Variants in SMC6 observed in about 807,000 individuals in gnomAD.
SMC6 encodes structural maintenance of chromosomes protein 6.
A neutral mutation model predicts 142.2 loss-of-function variants in SMC6; 79 were observed. The ratio of observed to expected loss-of-function variants is 0.56; its 90% CI spans 0.46 to 0.67. The LOEUF (loss-of-function observed/expected upper bound fraction) is 0.67. Among genes scored for constraint, SMC6 ranks in the 30% least tolerant of loss-of-function variants. The probability of loss-of-function intolerance (pLI) is 0.00; values close to 1 mark genes in which losing one functional copy is unlikely to be tolerated. For missense variants in SMC6, 1,072 were observed against 1,284.0 expected (o/e 0.83, Z 2.52); for synonymous variants, 411 against 412.4 (o/e 1.00, Z 0.04).
At chr2:17,728,123 T>A (rs904782745) in intron 7 of SMC6, among the ~76,000 whole-genome samples, 101 of 152,334 alleles carry the variant, frequency 6.6e-4, no homozygotes, top group Middle Eastern at 3.4e-3. Flanking sequence ...TCCTACTTGT[T>A]ATACTCCTCT....
intron 23 of SMC6, among the ~76,000 whole-genome samples, chr2:17,689,420 A>G (rs1667601469): frequency 6.6e-6 from 1 of 152,168 alleles, no homozygotes; most frequent in Non-Finnish European, 1.5e-5. Flanking sequence ...GTACTTTATA[A>G]CAGTATTGTG....
chr2:17,691,213 T>C (rs576866426), intron 23 of SMC6, among the ~76,000 whole-genome samples: 13 of 121,154 alleles, frequency 1.1e-4, no homozygotes, highest in African/African-American at 3.9e-4. Context: ...CATTAATGAA[T>C]GAAGAGAGAA....
At chr2:17,727,872 T>C (rs1330319634) in intron 7 of SMC6, among the ~76,000 whole-genome samples, 1 of 152,208 alleles carries the variant, frequency 6.6e-6, no homozygotes, top group Admixed American at 6.5e-5. Flanking sequence ...AACATTTATG[T>C]AGTTATAAAC....
intron 16 of SMC6, among the ~76,000 whole-genome samples, chr2:17,712,950 C>CT (rs1668901304): frequency 2.0e-5 from 3 of 152,230 alleles, no homozygotes; most frequent in African/African-American, 7.2e-5. Context: ...AAAACATGGA[C>CT]TTTGTCATCC....
chr2:17,703,443 T>C, intron 18 of SMC6, 151 bp from the exon 19 acceptor site: 1 of 617,648 alleles, frequency 1.6e-6, no homozygotes. Context: ...ACCAAGCTAT[T>C]AATCATGAAA....
intron 18 of SMC6, among the ~76,000 whole-genome samples, chr2:17,705,839 T>A (rs955188882): frequency 6.6e-6 from 1 of 152,182 alleles, no homozygotes; most frequent in African/African-American, 2.4e-5. Context: ...TGTTACCTAA[T>A]GAAAAATATA....
intron 8 of SMC6, among the ~76,000 whole-genome samples, chr2:17,726,063 G>A (rs1246235764): frequency 8.4e-6 from 1 of 118,686 alleles, no homozygotes; most frequent in Admixed American, 1.0e-4. Context: ...ACTCTATCCT[G>A]GAAGACAGAG....
At position 17,718,345 on chromosome 2, in the gene SMC6, AAACAT is replaced by A. The variant is rs200260662; in HGVS notation, c.946-127_946-123del. On this transcript the variant is annotated intron_variant, in intron 11 of 27. Transcript: ENST00000448223. ...ACTTCACTCAAGACATCAGGCAAATAAACATAACATAACATTATATAAAATACTAT... is the reference window on the plus strand; with the variant it reads ...ACTTCACTCAAGACATCAGGCAAATAAACATAACATTATATAAAATACTAT... The A allele has an allele frequency of 1.4e-3, 818 of 565,266 alleles. 8 individuals carry two copies. Among genetic ancestry groups the A allele is most frequent in the African/African-American group, 0.014 (733 of 51,814 alleles). The allele number at this position is 565,266 out of a possible 1,614,324, so 35.0% of individuals were successfully genotyped here. A position where few individuals can be genotyped will look rare whatever the true frequency, so the allele number is the denominator to read the frequency against.
In SMC6 at chr2:17,745,226, A is replaced by T. The variant is rs372632913; in HGVS notation, c.120+601T>A. Among the ~76,000 whole-genome samples the T allele has an allele frequency of 8.9e-4, 136 of 152,278 alleles. 2 individuals are homozygous for T. In the South Asian group the frequency reaches 0.028, roughly 31 times the overall value. On this transcript the variant is annotated intron_variant, in intron 3 of 27. Transcript: ENST00000448223. ...GTTTTGGCATCAAGATAATACATTG[A>T]AAAGTGTTCTCTTATGATTTTTGGA...
rs1184330034 is a variant in SMC6, at chr2:17,712,862, TC to T, written c.1730+1998del. On this transcript the variant is annotated intron_variant, in intron 16 of 27. Coordinates refer to ENST00000448223, the MANE Select transcript of SMC6 (RefSeq NM_001142286.2). Reference sequence around the variant, plus strand: ...ACTCAAGACTCTTGTCAATATCCTGTCAACACCCAAAAGGATTAGAATCTAG... The same window carrying T: ...ACTCAAGACTCTTGTCAATATCCTGTAACACCCAAAAGGATTAGAATCTAG... 3.3e-5 allele frequency among the ~76,000 whole-genome samples: 5 copies of T among 152,370 alleles called. 1 individual carries two copies. The highest frequency in any genetic ancestry group is 3.3e-4 in the Admixed American group (5 of 15,304).
rs1668123538 is a variant in SMC6 at position 17,698,620 on chromosome 2, GA to G, written c.2394+1587del. 5.3e-5 allele frequency among the ~76,000 whole-genome samples: 8 copies of G among 152,104 alleles called. No individual in the cohort carries two copies. In the South Asian group the frequency reaches 1.7e-3, roughly 32 times the overall value. On this transcript the variant is annotated intron_variant, in intron 21 of 27. Coordinates refer to ENST00000448223, the MANE Select transcript of SMC6 (RefSeq NM_001142286.2). ...TCAACCTGCCTATATGGCTGTATTT[GA>G]AGTGAGCTATTTATAGAGAGCATAT...
chr2:17,736,286 AAAAAT>A (rs1374690864), intron 5 of SMC6, among the ~76,000 whole-genome samples: 1 of 152,202 alleles, frequency 6.6e-6, no homozygotes, highest in Non-Finnish European at 1.5e-5. Flanking sequence ...CTGGAAAAGA[AAAAAT>A]AAAATATAAC....
chr2:17,691,452 C>A (rs984958586), intron 23 of SMC6, among the ~76,000 whole-genome samples: 2 of 105,290 alleles, frequency 1.9e-5, no homozygotes, highest in African/African-American at 5.5e-5. Flanking sequence ...CCGTTTTGAA[C>A]CAACGACAAA....
intron 9 of SMC6, among the ~76,000 whole-genome samples, chr2:17,723,730 T>G (rs1410091493): frequency 1.3e-5 from 2 of 152,222 alleles, no homozygotes; most frequent in Non-Finnish European, 2.9e-5. Flanking sequence ...TAATTAGGTC[T>G]ATGATCCCAA....
intron 23 of SMC6, among the ~76,000 whole-genome samples, chr2:17,689,276 C>T (rs1236242739): frequency 6.6e-6 from 1 of 151,962 alleles, no homozygotes; most frequent in Non-Finnish European, 1.5e-5. Flanking sequence ...CGTATAAAAT[C>T]AAAACAAAGA....
intron 24 of SMC6, 79 bp from the exon 25 acceptor site, chr2:17,679,043 T>A: frequency 1.1e-6 from 1 of 921,360 alleles, no homozygotes; most frequent in Non-Finnish European, 1.7e-6. Flanking sequence ...TCTAAGCATG[T>A]GAGAAAACCA....
At chr2:17,732,594 G>A (rs774047922) in intron 5 of SMC6, among the ~76,000 whole-genome samples, 43 of 152,014 alleles carry the variant, frequency 2.8e-4, no homozygotes, top group Non-Finnish European at 5.4e-4. Context: ...AGCTACTCGG[G>A]AGGCTGAGCC....
chr2:17,726,473 A>C lies in SMC6; in HGVS notation c.544-4T>G. On this transcript the variant is annotated splice_region_variant and splice_polypyrimidine_tract_variant and intron_variant, in intron 7 of 27. Coordinates refer to ENST00000448223, the MANE Select transcript of SMC6 (RefSeq NM_001142286.2). ...AAACAGAAACTGGATTATCCACCTCAAACAAACAAAAAGTCATTTTTGAAT... is the reference window on the plus strand; with the variant it reads ...AAACAGAAACTGGATTATCCACCTCCAACAAACAAAAAGTCATTTTTGAAT... 1 of 1,604,468 alleles carries C rather than the reference A, an allele frequency of 6.2e-7. No individual in the cohort carries two copies. Among genetic ancestry groups the C allele is most frequent in the Non-Finnish European group, 8.5e-7 (1 of 1,177,034 alleles).
chr2:17,730,852 G>A (rs1376589088), intron 7 of SMC6, among the ~76,000 whole-genome samples: 2 of 151,644 alleles, frequency 1.3e-5, no homozygotes, highest in East Asian at 3.9e-4. Flanking sequence ...GACCTCAGGT[G>A]ATCCACCCGC....
Sources: allele counts gnomAD v4.1 joint callset (sites outside exome capture counted in the v4.1 genomes callset), GRCh38; gene constraint gnomAD v4.1.1; transcripts MANE v1.5; gene names NCBI Gene and HGNC (gene_info 2026-07-23, HGNC 2026-07-21).